The following MKRN2OS variants were observed in gnomAD, a reference collection of about 807,000 sequenced individuals.
MKRN2OS encodes the protein MKRN2 opposite strand protein.
In MKRN2OS, 17 loss-of-function variants were observed where a neutral mutation model predicts 18.2. That is an observed-to-expected ratio of 0.93 (90% confidence interval 0.64 to 1.40). MKRN2OS has a LOEUF of 1.40. Among genes scored for constraint, MKRN2OS ranks in the 40% most tolerant of loss-of-function variants. The probability of loss-of-function intolerance (pLI) is 0.00; values close to 1 mark genes in which losing one functional copy is unlikely to be tolerated. For missense variants in MKRN2OS, 337 were observed against 283.0 expected (o/e 1.19, Z -1.37); for synonymous variants, 121 against 108.5 (o/e 1.12, Z -0.72).
downstream of MKRN2OS, among the ~76,000 whole-genome samples, chr3:12,551,859 G>A (rs1303465225): frequency 1.3e-5 from 2 of 151,850 alleles, no homozygotes; most frequent in African/African-American, 2.4e-5. Context: ...CAGGAGATTC[G>A]CTTGAACCCG....
chr3:12,550,859 TCTA>T (rs1158195324), downstream of MKRN2OS, among the ~76,000 whole-genome samples: 2 of 152,152 alleles, frequency 1.3e-5, no homozygotes, highest in Non-Finnish European at 2.9e-5. Context: ...GATAACTTCC[TCTA>T]CTAACATAGT....
chr3:12,540,631 T>G (rs181548190), intron 3 of MKRN2OS, among the ~76,000 whole-genome samples, 198 bp from the exon 4 acceptor site: 29 of 152,108 alleles, frequency 1.9e-4, no homozygotes, highest in African/African-American at 6.7e-4. Flanking sequence ...CCCAGCACTT[T>G]GGGAAGCGAG....
downstream of MKRN2OS, chr3:12,553,767 C>T (rs908246731): frequency 2.0e-5 from 3 of 152,092 alleles, no homozygotes; most frequent in Admixed American, 6.5e-5. Context: ...TATAGAAAAT[C>T]GATAACTAAC....
downstream of MKRN2OS, among the ~76,000 whole-genome samples, chr3:12,552,093 G>A (rs1231281712): frequency 6.6e-6 from 1 of 151,760 alleles, no homozygotes; most frequent in Non-Finnish European, 1.5e-5. Context: ...GCCGAGGCAG[G>A]TGAATCACCA....
intron 1 of MKRN2OS, among the ~76,000 whole-genome samples, chr3:12,544,565 ACTCGGGAGCCTGAGG>A (rs2057859640): frequency 6.6e-6 from 1 of 150,878 alleles, no homozygotes; most frequent in Non-Finnish European, 1.5e-5. Context: ...AATCCCAGCT[ACTCGGGAGCCTGAGG>A]CAGGCTCCCG....
Position 12,540,147 on chromosome 3 carries a change from A to C in MKRN2OS, c.*46T>G. On this transcript the variant is annotated 3_prime_UTR_variant, in exon 4 of 4. Transcript: ENST00000564146. ...GAAATCCATAGTACTGATTAAAGGT[A>C]GCAACCACCCTACCCTCCAGCGTCC... 5 of 1,535,258 alleles carry C rather than the reference A, an allele frequency of 3.3e-6. No homozygotes were observed. The highest frequency in any genetic ancestry group is 4.4e-6 in the Non-Finnish European group (5 of 1,146,360).
At chr3:12,556,338 A>AG (rs1262459511) in intron 1 of MKRN2OS, among the ~76,000 whole-genome samples, 2 of 151,624 alleles carry the variant, frequency 1.3e-5, no homozygotes, top group East Asian at 3.9e-4. Context: ...GCAACAAGAG[A>AG]GAAACTCCGT....
chr3:12,557,831 C>G (rs1208786023), intron 1 of MKRN2OS, among the ~76,000 whole-genome samples: 2 of 152,222 alleles, frequency 1.3e-5, no homozygotes, highest in Non-Finnish European at 2.9e-5. Context: ...GACGTTGACA[C>G]TCATTTATCT....
At chr3:12,557,005 C>A in intron 1 of MKRN2OS, 1 of 943,084 alleles carries the variant, frequency 1.1e-6, no homozygotes, top group Non-Finnish European at 1.4e-6. Flanking sequence ...GCCGGCGCTA[C>A]AAAGGTGCCA....
chr3:12,543,519 G>A (rs2057844315), intron 1 of MKRN2OS, among the ~76,000 whole-genome samples: 1 of 152,078 alleles, frequency 6.6e-6, no homozygotes, highest in African/African-American at 2.4e-5. Context: ...CCCGGGAGGT[G>A]GAGATTGCAG....
Position 12,540,028 on chromosome 3 carries a change from AC to A in MKRN2OS, c.*164del, listed in dbSNP as rs2057771138. On this transcript the variant is annotated 3_prime_UTR_variant, in exon 4 of 4. Coordinates refer to ENST00000564146, the MANE Select transcript of MKRN2OS (RefSeq NM_001195279.2). ...TCAAACTCCCAACCTCAGGTGACCT[AC>A]CTGTCTTAGCTTCCCAAAGTGCTGG... The A allele has an allele frequency of 2.1e-6, 2 of 967,332 alleles. No individual in the cohort carries two copies. The highest frequency in any genetic ancestry group is 5.2e-5 in the Admixed American group (2 of 38,434). The allele number at this position is 967,332 out of a possible 1,614,324, so 59.9% of individuals were successfully genotyped here.
At chr3:12,551,038 C>T (rs1156625264), downstream of MKRN2OS, among the ~76,000 whole-genome samples, 3 of 151,804 alleles carry the variant, frequency 2.0e-5, no homozygotes, top group East Asian at 1.9e-4. Flanking sequence ...ATCCACCCAT[C>T]GGTGGGACAT....
chr3:12,560,517 A>G (rs1257915030), intron 1 of MKRN2OS, among the ~76,000 whole-genome samples: 2 of 151,022 alleles, frequency 1.3e-5, no homozygotes, highest in African/African-American at 2.4e-5. Flanking sequence ...GATGCAAATT[A>G]CCTGTATACT....
At chr3:12,552,038 G>A (rs1298799733), downstream of MKRN2OS, among the ~76,000 whole-genome samples, 1 of 152,016 alleles carries the variant, frequency 6.6e-6, no homozygotes, top group Non-Finnish European at 1.5e-5. Context: ...AAACAAAGAA[G>A]GCTGGGCACG....
chr3:12,555,497 G>A (rs1479368405), intron 1 of MKRN2OS, among the ~76,000 whole-genome samples: 1 of 151,950 alleles, frequency 6.6e-6, no homozygotes, highest in Non-Finnish European at 1.5e-5. Context: ...TTCATTGGAA[G>A]ACTCAATATT....
intron 1 of MKRN2OS, among the ~76,000 whole-genome samples, chr3:12,556,217 T>G (rs1411937978): frequency 6.6e-6 from 1 of 151,932 alleles, no homozygotes; most frequent in Non-Finnish European, 1.5e-5. Flanking sequence ...TGGCCAGGCG[T>G]GCACGCCTGT....
intron 1 of MKRN2OS, chr3:12,557,000 C>A (rs1268707043): frequency 2.3e-6 from 2 of 856,806 alleles, no homozygotes; most frequent in Non-Finnish European, 3.1e-6. Flanking sequence ...TACCCGCCGG[C>A]GCTACAAAGG....
upstream of MKRN2OS, among the ~76,000 whole-genome samples, chr3:12,550,471 A>C (rs185676022): frequency 2.0e-4 from 31 of 152,300 alleles, no homozygotes; most frequent in African/African-American, 7.0e-4. Flanking sequence ...AGGGCGGTGA[A>C]ACTACTGTAA....
intron 1 of MKRN2OS, among the ~76,000 whole-genome samples, chr3:12,554,786 T>C (rs753984924): frequency 6.6e-6 from 1 of 152,214 alleles, no homozygotes; most frequent in African/African-American, 2.4e-5. Flanking sequence ...AATATATATG[T>C]ATTTACTTGT....
Sources: gnomAD v4.1 joint callset for allele counts (sites outside exome capture counted in the v4.1 genomes callset) on GRCh38, gnomAD v4.1.1 for gene constraint, MANE v1.5 for transcripts, NCBI Gene and HGNC (gene_info 2026-07-23, HGNC 2026-07-21) for gene names.